The following POLK variants were observed in gnomAD, a reference collection of about 807,000 sequenced individuals.
POLK encodes the protein DNA polymerase kappa.
POLK carries 76 observed loss-of-function variants against 94.0 expected under a neutral mutation model. The ratio of observed to expected loss-of-function variants is 0.81; its 90% confidence interval spans 0.67 to 0.98. The LOEUF is 0.98. Among genes scored for constraint, POLK ranks in the 50% least tolerant of loss-of-function variants. The pLI is 0.00. For synonymous variants in POLK, 349 were observed against 325.4 expected, an observed-to-expected ratio of 1.07 and a Z score of -0.78; for missense variants, 954 against 1,010.1, an observed-to-expected ratio of 0.94 and a Z score of 0.75.
upstream of POLK, chr5:75,511,744 C>A: frequency 6.5e-7 from 1 of 1,550,316 alleles, no homozygotes; most frequent in Admixed American, 2.0e-5. Flanking sequence ...TCGGGATCCT[C>A]CTCCCGAACC....
the POLK span, among the ~76,000 whole-genome samples, chr5:75,608,193 ATTAATT>A: frequency 6.6e-6 from 1 of 151,762 alleles, no homozygotes; most frequent in East Asian, 1.9e-4. Flanking sequence ...AAGAAACTTA[ATTAATT>A]TTTTTTTTTT....
At chr5:75,581,474 C>T in intron 7 of POLK, 26 bp downstream of exon 7, 1 of 1,593,358 alleles carries the variant, frequency 6.3e-7, no homozygotes, top group Non-Finnish European at 8.6e-7. Context: ...TTGATGGCCA[C>T]TGTAGTTATA....
At chr5:75,529,187 G>A (rs1208551535) in intron 1 of POLK, among the ~76,000 whole-genome samples, 2 of 152,144 alleles carry the variant, frequency 1.3e-5, no homozygotes, top group Admixed American at 6.5e-5. Context: ...TGCTCCTGGT[G>A]AGGGCCTCAG....
chr5:75,572,586 A>G (rs934063595), intron 4 of POLK, among the ~76,000 whole-genome samples: 1 of 152,194 alleles, frequency 6.6e-6, no homozygotes, highest in East Asian at 1.9e-4. Context: ...AAATTTTGAT[A>G]TTCATTCTAT....
chr5:75,560,494 A>T (rs779894760), intron 3 of POLK, among the ~76,000 whole-genome samples: 1 of 152,106 alleles, frequency 6.6e-6, no homozygotes, highest in Non-Finnish European at 1.5e-5. Context: ...CAAAGCCGTT[A>T]TTCTATTTTT....
At chr5:75,594,107 C>G in intron 12 of POLK, 58 bp downstream of exon 12, 1 of 1,335,280 alleles carries the variant, frequency 7.5e-7, no homozygotes, top group Non-Finnish European at 1.0e-6. Flanking sequence ...CCCAAATAAT[C>G]AACTTTGGGA....
At chr5:75,569,580 G>T in intron 4 of POLK, 88 bp downstream of exon 4, 2 of 1,128,152 alleles carry the variant, frequency 1.8e-6, no homozygotes, top group Non-Finnish European at 2.5e-6. Context: ...CTTTATTGAG[G>T]TCTACCAGTT....
At chr5:75,520,161 A>G (rs1345442276) in intron 1 of POLK, among the ~76,000 whole-genome samples, 1 of 152,238 alleles carries the variant, frequency 6.6e-6, no homozygotes, top group Admixed American at 6.5e-5. Context: ...TAACAAAGAA[A>G]TTTAAAAACT....
At chr5:75,511,338 A>C, upstream of POLK, 2 of 1,544,656 alleles carry the variant, frequency 1.3e-6, no homozygotes, top group Non-Finnish European at 1.7e-6. Flanking sequence ...GGGGGGGAGC[A>C]GGAGGAGGGA....
exon 13 of POLK, chr5:75,596,634 T>G (rs1316075468): frequency 6.2e-7 from 1 of 1,614,094 alleles, no homozygotes; most frequent in South Asian, 1.1e-5. Flanking sequence ...ATGAATGTCT[T>G]GATGGACCTT....
At chr5:75,542,208 T>C (rs534226090) in intron 1 of POLK, among the ~76,000 whole-genome samples, 87 of 152,280 alleles carry the variant, frequency 5.7e-4, no homozygotes, top group Middle Eastern at 3.4e-3. Context: ...GAGGAAATTA[T>C]TGCATTTGGT....
chr5:75,527,698 T>C (rs937610387), intron 1 of POLK, among the ~76,000 whole-genome samples: 1 of 152,126 alleles, frequency 6.6e-6, no homozygotes, highest in Non-Finnish European at 1.5e-5. Flanking sequence ...TTAATTCTTT[T>C]TATAAGGTAT....
Position 75,590,356 on chromosome 5 carries a change from GATAA to G in POLK, c.1278_1281del (p.Asn426LysfsTer34), listed in dbSNP as rs774784996. ...CTTGTCTTTCTAGGACATTCAGTGA[GATAA>G]ATAAAGCGGAAGAGCAATACAGCCT... On this transcript the variant is annotated frameshift_variant, in exon 11 of 15. Coordinates refer to ENST00000241436, the Ensembl canonical transcript of POLK. LOFTEE classifies it high-confidence loss of function. 1.3e-6 allele frequency: 2 copies of G among 1,582,598 alleles called. No homozygotes were observed. The highest frequency in any genetic ancestry group is 1.1e-5 in the South Asian group (1 of 87,454).
chr5:75,515,144 CCTTGT>C (rs1401351650), intron 1 of POLK, among the ~76,000 whole-genome samples: 2 of 152,076 alleles, frequency 1.3e-5, no homozygotes, highest in African/African-American at 4.8e-5. Flanking sequence ...GCAACTATCC[CCTTGT>C]CTTGTGTTGC....
intron 9 of POLK, among the ~76,000 whole-genome samples, chr5:75,586,103 A>G (rs1005147518): frequency 6.6e-6 from 1 of 152,336 alleles, no homozygotes; most frequent in East Asian, 1.9e-4. Flanking sequence ...ATAGTGCTTG[A>G]AAACAATATA....
chr5:75,576,907 T>C (rs778169052), exon 6 of POLK: 3 of 1,567,260 alleles, frequency 1.9e-6, no homozygotes, highest in Non-Finnish European at 2.6e-6. Flanking sequence ...AGGTATTTCA[T>C]CAAAATGGGA....
At chr5:75,544,336 A>T (rs1013384700) in intron 1 of POLK, among the ~76,000 whole-genome samples, 111 of 152,082 alleles carry the variant, frequency 7.3e-4, no homozygotes, top group African/African-American at 2.7e-3. Flanking sequence ...AGCCTGGGCA[A>T]CCCACCCCTG....
downstream of POLK, among the ~76,000 whole-genome samples, chr5:75,603,427 C>CAA (rs11350660): frequency 5.2e-5 from 7 of 133,874 alleles, no homozygotes; most frequent in Non-Finnish European, 1.2e-4. Flanking sequence ...ACTCTCATGT[C>CAA]AAAAAAAAAA....
intron 11 of POLK, among the ~76,000 whole-genome samples, chr5:75,591,468 C>A (rs1772780238): frequency 6.6e-6 from 1 of 151,980 alleles, no homozygotes; most frequent in Non-Finnish European, 1.5e-5. Flanking sequence ...AGAAAAGTCA[C>A]AAAAATAATA....
Sources: allele counts gnomAD v4.1 joint callset (sites outside exome capture counted in the v4.1 genomes callset), GRCh38; gene constraint gnomAD v4.1.1; transcripts MANE v1.5; gene names NCBI Gene and HGNC (gene_info 2026-07-23, HGNC 2026-07-21).